The following CSNK1G1 variants were observed in gnomAD, a reference collection of about 807,000 sequenced individuals.
CSNK1G1 encodes the protein casein kinase 1 gamma 1, also known as casein kinase I isoform gamma-1.
A neutral mutation model predicts 59.6 loss-of-function variants in CSNK1G1; 22 were observed. That is an observed-to-expected ratio of 0.37 (90% CI 0.26 to 0.53). CSNK1G1 has a LOEUF of 0.53. Among genes scored for constraint, CSNK1G1 ranks in the 20% least tolerant of loss-of-function variants. The pLI is 0.89. For synonymous variants in CSNK1G1, 179 were observed against 177.1 expected (o/e 1.01, Z -0.08); for missense variants, 384 against 519.5 (o/e 0.74, Z 2.54).
At chr15:64,305,186 C>T (rs1448580176) in intron 1 of CSNK1G1, among the ~76,000 whole-genome samples, 1 of 152,000 alleles carries the variant, frequency 6.6e-6, no homozygotes, top group Non-Finnish European at 1.5e-5. Context: ...GTAAGCTTTT[C>T]AAAGAATGAG....
intron 1 of CSNK1G1, among the ~76,000 whole-genome samples, chr15:64,310,417 A>T (rs891943826): frequency 2.8e-5 from 4 of 145,434 alleles, no homozygotes; most frequent in African/African-American, 7.5e-5. Context: ...ATAACTGTTT[A>T]AAAAAAAAAA....
intron 1 of CSNK1G1, among the ~76,000 whole-genome samples, chr15:64,347,082 A>T (rs1480814911): frequency 6.6e-6 from 1 of 152,232 alleles, no homozygotes; most frequent in African/African-American, 2.4e-5. Context: ...ACTGCAAATT[A>T]AAACAAGATA....
At chr15:64,192,840 T>TAAAAAAAAAAAAAAAAAAA (rs66643774) in intron 10 of CSNK1G1, among the ~76,000 whole-genome samples, 1 of 32,226 alleles carries the variant, frequency 3.1e-5, no homozygotes, top group Admixed American at 5.5e-4. Context: ...GAGATCTGCC[T>TAAAAAAAAAAAAAAAAAAA]AAAAAAAAAA....
At chr15:64,337,937 T>C (rs1177672996) in intron 1 of CSNK1G1, among the ~76,000 whole-genome samples, 1 of 152,222 alleles carries the variant, frequency 6.6e-6, no homozygotes, top group East Asian at 1.9e-4. Flanking sequence ...AAGCATGTTT[T>C]CAAAGTTTAC....
At chr15:64,223,745 G>A (rs928051354) in intron 4 of CSNK1G1, among the ~76,000 whole-genome samples, 2 of 151,994 alleles carry the variant, frequency 1.3e-5, no homozygotes, top group Non-Finnish European at 1.5e-5. Context: ...ATTTTTCTTA[G>A]TACTATGAAA....
At chr15:64,174,840 T>C (rs559789669) in intron 11 of CSNK1G1, among the ~76,000 whole-genome samples, 1 of 152,298 alleles carries the variant, frequency 6.6e-6, no homozygotes, top group South Asian at 2.1e-4. Flanking sequence ...CTACAGTGTT[T>C]ACAAGGACTT....
chr15:64,280,061 A>G (rs1043368164), intron 2 of CSNK1G1, among the ~76,000 whole-genome samples: 4 of 152,138 alleles, frequency 2.6e-5, no homozygotes, highest in Non-Finnish European at 5.9e-5. Context: ...CTGGATGAGG[A>G]CATGACCTAG....
intron 10 of CSNK1G1, chr15:64,181,812 T>C (rs1455048569): frequency 6.0e-6 from 1 of 166,646 alleles, no homozygotes; most frequent in Non-Finnish European, 1.3e-5. Context: ...AACAGCTCAA[T>C]AAGTGGTCAT....
rs114306759 is a variant in CSNK1G1, at chr15:64,271,283, C to T, written c.182-12042G>A. On this transcript the variant is annotated intron_variant, in intron 2 of 11. Coordinates refer to ENST00000303052, the MANE Select transcript of CSNK1G1 (RefSeq NM_022048.5). ...GATTACAGGTGTGAGCCACTGAACT[C>T]GGCCAATTTATTTATTTATTTTGAG... Among the ~76,000 whole-genome samples the T allele has an allele frequency of 1.6e-3, 236 of 151,410 alleles. 1 individual carries two copies. Among genetic ancestry groups the T allele is most frequent in the African/African-American group, 5.6e-3 (230 of 41,236 alleles).
chr15:64,282,210 T>C (rs1208993678), intron 2 of CSNK1G1, among the ~76,000 whole-genome samples: 1 of 152,176 alleles, frequency 6.6e-6, no homozygotes, highest in Non-Finnish European at 1.5e-5. Flanking sequence ...ATTACCGGCA[T>C]GAACCATCAT....
Position 64,300,583 on chromosome 15 carries a change from A to C in CSNK1G1, c.-84T>G. On this transcript the variant is annotated 5_prime_UTR_variant, in exon 2 of 12. Coordinates refer to ENST00000303052, the MANE Select transcript of CSNK1G1 (RefSeq NM_022048.5). ...CTTCAATACAAAAGTATGTCCAAAT[A>C]AATTGTAGTCAGAGAAAGGTAAGGA... 1 of 1,472,858 alleles carries C rather than the reference A, an allele frequency of 6.8e-7. No individual in the cohort carries two copies. The highest frequency in any genetic ancestry group is 9.0e-7 in the Non-Finnish European group (1 of 1,107,980). The allele number at this position is 1,472,858 out of a possible 1,614,324, so 91.2% of individuals were successfully genotyped here. A position where few individuals can be genotyped will look rare whatever the true frequency, so the allele number is the denominator to read the frequency against.
In CSNK1G1 at chr15:64,248,299, T is replaced by C. The variant is rs574733459; in HGVS notation, c.292+3213A>G. On this transcript the variant is annotated intron_variant, in intron 4 of 11. Coordinates refer to ENST00000303052, the MANE Select transcript of CSNK1G1 (RefSeq NM_022048.5). ...TACAAGGACACATGGTGAAATCTTG[T>C]CTATTTTCTTGTCAATTGATCTTCT... is the stretch of plus-strand genomic sequence containing the variant. Among the ~76,000 whole-genome samples the C allele has an allele frequency of 7.5e-4, 115 of 152,372 alleles. 1 individual carries two copies. The highest frequency in any genetic ancestry group is 2.1e-3 in the East Asian group (11 of 5,196).
Position 64,214,257 on chromosome 15 carries a change from A to T in CSNK1G1, c.445-133T>A. 1.5e-6 allele frequency: 1 copy of T among 676,504 alleles called. No individual in the cohort carries two copies. 41.9% of individuals were successfully genotyped at this position (676,504 alleles called of 1,614,324 possible). On this transcript the variant is annotated intron_variant, in intron 5 of 11. Coordinates refer to ENST00000303052, the MANE Select transcript of CSNK1G1 (RefSeq NM_022048.5). The surrounding 1 kb of genome is among the most constrained non-coding windows in gnomAD (Gnocchi z 4.3). ...AAATTCATCTCCTTTCACCGCCCTGAGTCACTTCACTGACTTGTAAACAAA... is the reference window on the plus strand; with the variant it reads ...AAATTCATCTCCTTTCACCGCCCTGTGTCACTTCACTGACTTGTAAACAAA...
chr15:64,191,745 A>G (rs933721546), intron 10 of CSNK1G1, among the ~76,000 whole-genome samples: 4 of 152,196 alleles, frequency 2.6e-5, no homozygotes, highest in African/African-American at 9.6e-5. Context: ...ACTATGATGA[A>G]GGAAAAACAC....
intron 2 of CSNK1G1, among the ~76,000 whole-genome samples, chr15:64,299,582 A>G (rs918044676): frequency 6.7e-6 from 1 of 149,998 alleles, no homozygotes; most frequent in Non-Finnish European, 1.5e-5. Context: ...ACAGAGTAAG[A>G]CTCCATCTCA....
intron 2 of CSNK1G1, among the ~76,000 whole-genome samples, chr15:64,264,905 C>T (rs1892899399): frequency 6.6e-6 from 1 of 152,226 alleles, no homozygotes; most frequent in African/African-American, 2.4e-5. Context: ...GACAAACTCA[C>T]AGCTAATATC....
chr15:64,309,309 AAC>A (rs66467610), intron 1 of CSNK1G1, among the ~76,000 whole-genome samples: 3,612 of 146,442 alleles, frequency 0.025, 130 homozygotes, highest in African/African-American at 0.078. Flanking sequence ...TAGTGAATAA[AAC>A]ACACACACAC....
rs1892553065 is a variant in CSNK1G1 at position 64,259,146 on chromosome 15, G to T, written c.222+55C>A. On this transcript the variant is annotated intron_variant, in intron 3 of 11. Transcript: ENST00000303052. ...TGCTTAAAACTATTTCCTATAAAAAGATATAAGCAATGGGAGCACCAAAAC... is the reference window on the plus strand; with the variant it reads ...TGCTTAAAACTATTTCCTATAAAAATATATAAGCAATGGGAGCACCAAAAC... 14 of 1,429,522 alleles carry T rather than the reference G, an allele frequency of 9.8e-6. No homozygotes were observed. The South Asian group carries it at 1.6e-4, about 17-fold the overall frequency. 88.6% of individuals were successfully genotyped at this position (1,429,522 alleles called of 1,614,324 possible). A position where few individuals can be genotyped will look rare whatever the true frequency, so the allele number is the denominator to read the frequency against.
intron 1 of CSNK1G1, among the ~76,000 whole-genome samples, chr15:64,320,473 G>A (rs1896500564): frequency 6.6e-6 from 1 of 151,938 alleles, no homozygotes; most frequent in South Asian, 2.1e-4. Flanking sequence ...GAGGTCAGGA[G>A]TTCAAGACCA....
Sources: allele counts gnomAD v4.1 joint callset (sites outside exome capture counted in the v4.1 genomes callset), GRCh38; gene constraint gnomAD v4.1.1; non-coding constraint Gnocchi (gnomAD v3.1); transcripts MANE v1.5; gene names NCBI Gene and HGNC (gene_info 2026-07-23, HGNC 2026-07-21).